INO80D: variants seen among roughly 807,000 people sequenced by gnomAD.
INO80D encodes the protein INO80 complex subunit D.
Under a neutral mutation model 87.6 loss-of-function variants are expected in INO80D, and 21 were observed. The observed-to-expected ratio is 0.24, with a 90% confidence interval of 0.17 to 0.35. The LOEUF (loss-of-function observed/expected upper bound fraction) is 0.35, where lower values mean the gene tolerates loss of function less well. INO80D is among the 10% of genes least tolerant of loss of function. The probability of loss-of-function intolerance (pLI) is 1.00; values close to 1 mark genes in which losing one functional copy is unlikely to be tolerated. For missense variants in INO80D, 982 were observed against 1,280.7 expected, an observed-to-expected ratio of 0.77 and a Z score of 3.56; for synonymous variants, 440 against 491.0, an observed-to-expected ratio of 0.90 and a Z score of 1.37.
At position 206,004,204 on chromosome 2, in the gene INO80D, G is replaced by A; in HGVS notation, c.*164C>T. 1 of 661,030 alleles carries A rather than the reference G, an allele frequency of 1.5e-6. No individual in the cohort carries two copies. Among genetic ancestry groups the A allele is most frequent in the African/African-American group, 1.8e-5 (1 of 55,180 alleles). The allele number at this position is 661,030 out of a possible 1,614,324, so 40.9% of individuals were successfully genotyped here. The stretch of plus-strand genomic sequence containing the variant: ...GTGCTAAGGAGCACATGTGAACACT[G>A]TAGCGAGGTCCACTGCAGGGCCACT... On this transcript the variant is annotated 3_prime_UTR_variant, in exon 11 of 11. Transcript: ENST00000403263. The surrounding 1 kb of genome is among the most constrained non-coding windows in gnomAD (Gnocchi z 4.9).
At chr2:206,048,489 T>A (rs1383793408) in intron 4 of INO80D, among the ~76,000 whole-genome samples, 1 of 152,102 alleles carries the variant, frequency 6.6e-6, no homozygotes, top group East Asian at 1.9e-4. Context: ...TGCCTTAGCC[T>A]CCCAAAGTGC....
rs1687962302 is a variant in INO80D, at chr2:206,004,292, G to A, written c.*76C>T. 1.5e-6 allele frequency: 2 copies of A among 1,311,004 alleles called. No individual in the cohort carries two copies. Among genetic ancestry groups the A allele is most frequent in the Non-Finnish European group, 2.1e-6 (2 of 942,978 alleles). The allele number at this position is 1,311,004 out of a possible 1,614,324, so 81.2% of individuals were successfully genotyped here. A position where few individuals can be genotyped will look rare whatever the true frequency, so the allele number is the denominator to read the frequency against. On this transcript the variant is annotated 3_prime_UTR_variant, in exon 11 of 11. Transcript: ENST00000403263. The surrounding 1 kb of genome is among the most constrained non-coding windows in gnomAD (Gnocchi z 4.9). ...TCTGTTATATCTTCTTTAGGAAAAG[G>A]GGAGAGGGGTGCTAAAGAGGAAACA...
At chr2:206,015,656 G>A (rs796313097) in intron 8 of INO80D, among the ~76,000 whole-genome samples, 17 of 152,114 alleles carry the variant, frequency 1.1e-4, no homozygotes, top group South Asian at 8.3e-4. Context: ...AGGCTGAGGC[G>A]GGCAGATCAC....
chr2:206,082,159 T>C (rs1408833718), intron 1 of INO80D, among the ~76,000 whole-genome samples: 1 of 152,200 alleles, frequency 6.6e-6, no homozygotes. Flanking sequence ...TAGCTGGGAT[T>C]ACAGGCATAC....
rs1437545192 is a variant in INO80D at position 206,085,362 on chromosome 2, C to T, written c.-124+539G>A. Among the ~76,000 whole-genome samples the T allele has an allele frequency of 1.3e-5, 2 of 151,826 alleles. No homozygotes were observed. The highest frequency in any genetic ancestry group is 2.9e-5 in the Non-Finnish European group (2 of 67,894). ...TGCGAGAGACCCGGGGGAAGGGGAG[C>T]CGGGCGCCCATTCCCCACTCCCCAC... On this transcript the variant is annotated intron_variant, in intron 1 of 10. Transcript: ENST00000403263. This position sits in a 1 kb window ranked among gnomAD's most constrained non-coding sequence, Gnocchi z 4.5.
chr2:206,025,449 A>G (rs1263967628), intron 6 of INO80D: 1 of 145,392 alleles, frequency 6.9e-6, no homozygotes, highest in Non-Finnish European at 1.5e-5. Context: ...AATTGCTTGA[A>G]CCCGGGAGGC....
chr2:206,085,775 G>A lies in INO80D; in HGVS notation c.-124+126C>T, dbSNP rs1238381954. 1 of 151,512 alleles carries A rather than the reference G, an allele frequency of 6.6e-6. No homozygotes were observed. Among genetic ancestry groups the A allele is most frequent in the Admixed American group, 6.6e-5 (1 of 15,238 alleles). The allele number at this position is 151,512 out of a possible 1,614,324, so 9.4% of individuals were successfully genotyped here. A position where few individuals can be genotyped will look rare whatever the true frequency, so the allele number is the denominator to read the frequency against. ...CCCTTTCATTCTCCGCCCGGGGCCTGGCGTGGGCCGGCGAATCCCCGGCCT... is the reference window on the plus strand; with the variant it reads ...CCCTTTCATTCTCCGCCCGGGGCCTAGCGTGGGCCGGCGAATCCCCGGCCT... On this transcript the variant is annotated intron_variant, in intron 1 of 10. Coordinates refer to ENST00000403263, the MANE Select transcript of INO80D (RefSeq NM_017759.5). This position sits in a 1 kb window ranked among gnomAD's most constrained non-coding sequence, Gnocchi z 4.5.
At chr2:206,026,414 C>T (rs114354942) in intron 6 of INO80D, among the ~76,000 whole-genome samples, 11,941 of 151,576 alleles carry the variant, frequency 0.079, 703 homozygotes, top group Admixed American at 0.19. Context: ...GGCATGATGG[C>T]GGGCACCTGT....
chr2:206,006,138 A>G (rs763964687), intron 10 of INO80D, among the ~76,000 whole-genome samples: 13 of 152,192 alleles, frequency 8.5e-5, no homozygotes, highest in Non-Finnish European at 1.8e-4. Context: ...ACTAATTTTC[A>G]TAAAATGGAA....
rs1263248458 is a variant in INO80D, at chr2:206,057,012, A to G, written c.219-69T>C. 5 of 1,413,202 alleles carry G rather than the reference A, an allele frequency of 3.5e-6. No homozygotes were observed. The African/African-American group carries it at 7.2e-5, about 20-fold the overall frequency. The allele number at this position is 1,413,202 out of a possible 1,614,324, so 87.5% of individuals were successfully genotyped here. A position where few individuals can be genotyped will look rare whatever the true frequency, so the allele number is the denominator to read the frequency against. On this transcript the variant is annotated intron_variant, in intron 3 of 10. Transcript: ENST00000403263. ...TTTTTTAAAAGTAGAACATAAAACT[A>G]CATGAGAATCCTAATGTTAAAAATT...
chr2:206,035,673 A>T (rs1320969060), intron 5 of INO80D, among the ~76,000 whole-genome samples: 1 of 152,210 alleles, frequency 6.6e-6, no homozygotes, highest in Non-Finnish European at 1.5e-5. Flanking sequence ...TTAGGCAAGG[A>T]GTTCATGACC....
chr2:206,057,638 T>C (rs1429181610), intron 3 of INO80D, among the ~76,000 whole-genome samples: 1 of 151,944 alleles, frequency 6.6e-6, no homozygotes, highest in East Asian at 1.9e-4. Context: ...TCTTTCCAGC[T>C]GGAAAGAGTC....
chr2:206,064,956 T>C (rs1340121050), intron 1 of INO80D, among the ~76,000 whole-genome samples: 2 of 152,100 alleles, frequency 1.3e-5, no homozygotes, highest in East Asian at 3.8e-4. Flanking sequence ...TTTCACCTTA[T>C]GAGAATGTAA....
At chr2:206,022,473 T>C (rs532509388) in intron 6 of INO80D, among the ~76,000 whole-genome samples, 3 of 152,308 alleles carry the variant, frequency 2.0e-5, no homozygotes, top group African/African-American at 7.2e-5. Flanking sequence ...ACCAAAACTT[T>C]TTCATGTTTT....
intron 8 of INO80D, among the ~76,000 whole-genome samples, chr2:206,013,339 G>T (rs562333647): frequency 5.3e-5 from 8 of 152,110 alleles, no homozygotes; most frequent in African/African-American, 1.9e-4. Flanking sequence ...GGATCATGAG[G>T]TCAGGAGATC....
At position 206,062,805 on chromosome 2, in the gene INO80D, T is replaced by A. The variant is rs1212791142; in HGVS notation, c.212A>T (p.Asp71Val). Reference sequence around the variant, plus strand: ...TCTCATGATTAGCCCTTACCTACGATCCTCTGATTTGGGGATGGGGTTGGT... The same window carrying A: ...TCTCATGATTAGCCCTTACCTACGAACCTCTGATTTGGGGATGGGGTTGGT... ...RCTNPIPKSEDRRYCNSHLQV... is the reference protein window; with the variant it reads ...RCTNPIPKSEVRRYCNSHLQV... Residue 71 changes from aspartate to valine, a missense_variant, in exon 3 of 11, where the codon GAT becomes GTT. By Grantham distance (152) the Asp-to-Val change is radical. Coordinates refer to ENST00000403263, the MANE Select transcript of INO80D (RefSeq NM_017759.5). This position sits in a 1 kb window ranked among gnomAD's most constrained non-coding sequence, Gnocchi z 4.6. 1.9e-6 allele frequency: 3 copies of A among 1,603,678 alleles called. No individual in the cohort carries two copies. The highest frequency in any genetic ancestry group is 2.5e-6 in the Non-Finnish European group (3 of 1,177,136).
At chr2:206,042,131 C>CA (rs553394543) in intron 5 of INO80D, among the ~76,000 whole-genome samples, 2 of 150,256 alleles carry the variant, frequency 1.3e-5, no homozygotes, top group Admixed American at 1.3e-4. Context: ...AACCTTGTCT[C>CA]AAAAAAAAGT....
chr2:206,010,938 C>G (rs888574753), intron 8 of INO80D, among the ~76,000 whole-genome samples: 2 of 151,976 alleles, frequency 1.3e-5, no homozygotes, highest in Admixed American at 1.3e-4. Flanking sequence ...ATTAGCCAGG[C>G]CTGGTGACAC....
rs992267601 is a variant in INO80D, at chr2:206,085,593, C to T, written c.-124+308G>A. The T allele has an allele frequency of 1.3e-5, 2 of 149,294 alleles. No homozygotes were observed. The highest frequency in any genetic ancestry group is 4.9e-5 in the African/African-American group (2 of 41,066). The allele number at this position is 149,294 out of a possible 1,614,324, so 9.2% of individuals were successfully genotyped here. On this transcript the variant is annotated intron_variant, in intron 1 of 10. Coordinates refer to ENST00000403263, the MANE Select transcript of INO80D (RefSeq NM_017759.5). This position sits in a 1 kb window ranked among gnomAD's most constrained non-coding sequence, Gnocchi z 4.5. ...CGGCCCGAGGCCTACCGGCGCCCCC[C>T]CCTCCCGCCGCACACCCCCACCTGG...
Sources: allele counts gnomAD v4.1 joint callset (sites outside exome capture counted in the v4.1 genomes callset), GRCh38; gene constraint gnomAD v4.1.1; non-coding constraint Gnocchi (gnomAD v3.1); transcripts MANE v1.5; gene names NCBI Gene and HGNC (gene_info 2026-07-23, HGNC 2026-07-21).